Variants in COL18A1 observed in about 807,000 individuals in gnomAD.
COL18A1 encodes the protein collagen alpha-1(XVIII) chain.
Under a neutral mutation model 168.0 loss-of-function variants are expected in COL18A1, and 133 were observed. The ratio of observed to expected loss-of-function variants is 0.79; its 90% CI spans 0.69 to 0.91. The LOEUF (loss-of-function observed/expected upper bound fraction) is 0.91, where lower values mean the gene tolerates loss of function less well. Among genes scored for constraint, COL18A1 ranks in the 40% least tolerant of loss-of-function variants. COL18A1 has a pLI of 0.00. For synonymous variants in COL18A1, 949 were observed against 809.0 expected (o/e 1.17, Z -2.94); for missense variants, 2,126 against 1,925.4 (o/e 1.10, Z -1.95).
Position 45,425,336 on chromosome 21 carries a change from C to T in COL18A1, c.106+19863C>T, listed in dbSNP as rs992916839. Among the ~76,000 whole-genome samples, 8 of 152,206 alleles carry T rather than the reference C, an allele frequency of 5.3e-5. No homozygotes were observed. Among genetic ancestry groups the T allele is most frequent in the African/African-American group, 2.4e-5 (1 of 41,462 alleles). ...CCGCGTCCACCTGTCTCCCTGGACA[C>T]GCCTGTCAGAGCCCCAGACTGGGCT... On this transcript the variant is annotated intron_variant, in intron 2 of 41. Transcript: ENST00000651438. This position sits in a 1 kb window ranked among gnomAD's most constrained non-coding sequence, Gnocchi z 4.1.
intron 41 of COL18A1, among the ~76,000 whole-genome samples, chr21:45,511,525 A>ATGTAAGCAG (rs1238244941): frequency 2.0e-5 from 3 of 152,102 alleles, no homozygotes; most frequent in Non-Finnish European, 4.4e-5. Context: ...GTGGTCAGCC[A>ATGTAAGCAG]TGTAAGCAGC....
chr21:45,489,536 C>T lies in COL18A1; in HGVS notation c.1959+15C>T, dbSNP rs748301256. The T allele has an allele frequency of 8.3e-5, 131 of 1,577,558 alleles. No individual in the cohort carries two copies. The highest frequency in any genetic ancestry group is 1.7e-4 in the Middle Eastern group (1 of 5,940). ...CGGGGGCGAAGGTAAGCGCTGTGCC[C>T]GGGTTCAGGGACGTGGCCAGGCAGA... On this transcript the variant is annotated intron_variant, in intron 19 of 41. Coordinates refer to ENST00000651438, the MANE Select transcript of COL18A1 (RefSeq NM_001379500.1).
In COL18A1 at chr21:45,476,429, G is replaced by C. The variant is rs1271580700; in HGVS notation, c.877G>C (p.Asp293His). The C allele has an allele frequency of 1.2e-6, 2 of 1,614,140 alleles. No homozygotes were observed. The highest frequency in any genetic ancestry group is 1.7e-6 in the Non-Finnish European group (2 of 1,180,018). Residue 293 changes from aspartate (D) to histidine (H), a missense_variant, in exon 6 of 42, where the codon GAT becomes CAT. Physicochemically the swap from Asp to His is moderately conservative, Grantham distance 81. Coordinates refer to ENST00000651438, the MANE Select transcript of COL18A1 (RefSeq NM_001379500.1). The stretch of plus-strand genomic sequence containing the variant: ...CTTGGCTGGAGGCAGCAGCACGGAA[G>C]ATTCCAGAAGTGAAGAAGTCGAGGA... ...PPLAGGSSTE[D>H]SRSEEVEEQT... is the part of the protein sequence containing the mutation.
At chr21:45,502,158 A>G (rs1378015704) in intron 32 of COL18A1, among the ~76,000 whole-genome samples, 1 of 152,212 alleles carries the variant, frequency 6.6e-6, no homozygotes, top group Non-Finnish European at 1.5e-5. Context: ...ACGGGTCCTG[A>G]CAGCAGCAGT....
intron 2 of COL18A1, among the ~76,000 whole-genome samples, chr21:45,428,171 G>A (rs759319301): frequency 1.3e-5 from 2 of 152,236 alleles, no homozygotes; most frequent in Non-Finnish European, 2.9e-5. Flanking sequence ...CTGCAGGCAG[G>A]CGGCGTCTGG....
rs543694597 is a variant in COL18A1 at position 45,471,935 on chromosome 21, C to A, written c.652-1960C>A. On this transcript the variant is annotated intron_variant, in intron 3 of 41. Coordinates refer to ENST00000651438, the MANE Select transcript of COL18A1 (RefSeq NM_001379500.1). This position sits in a 1 kb window ranked among gnomAD's most constrained non-coding sequence, Gnocchi z 4.4. ...TGGCTTTTGCACTAGCGCCTCCTGC[C>A]CCACCCCCGGAGCCAGCGGCCACCA... is the stretch of plus-strand genomic sequence containing the variant. Among the ~76,000 whole-genome samples the A allele has an allele frequency of 5.9e-5, 9 of 152,292 alleles. No individual in the cohort carries two copies. In the South Asian group the frequency reaches 1.9e-3, roughly 32 times the overall value.
rs1013906956 is a variant in COL18A1, at chr21:45,443,734, G to C, written c.107-24508G>C. Among the ~76,000 whole-genome samples the C allele has an allele frequency of 3.3e-5, 5 of 152,214 alleles. No individual in the cohort carries two copies. Among genetic ancestry groups the C allele is most frequent in the Admixed American group, 2.0e-4 (3 of 15,290 alleles). On this transcript the variant is annotated intron_variant, in intron 2 of 41. Transcript: ENST00000651438. The surrounding 1 kb of genome is among the most constrained non-coding windows in gnomAD (Gnocchi z 5.2). ...AACACAAATCAAGTGCCAATTTCCT[G>C]GTGAAGAGTCTTTATGAGAGCAATG...
At chr21:45,491,766 A>G (rs1312516730) in intron 22 of COL18A1, among the ~76,000 whole-genome samples, 1 of 152,194 alleles carries the variant, frequency 6.6e-6, no homozygotes, top group Non-Finnish European at 1.5e-5. Context: ...GCCTGCCAGC[A>G]GTGCATCCCA....
chr21:45,470,425 C>CTT (rs1195744330), intron 3 of COL18A1, among the ~76,000 whole-genome samples: 5,947 of 36,990 alleles, frequency 0.16, 669 homozygotes, highest in Non-Finnish European at 0.19. Flanking sequence ...TTTACCTTGT[C>CTT]TTTTTTTTTT....
At chr21:45,435,215 GGAGGAAGA>G (rs1248774533) in intron 2 of COL18A1, among the ~76,000 whole-genome samples, 1 of 143,012 alleles carries the variant, frequency 7.0e-6, no homozygotes, top group Non-Finnish European at 1.5e-5. Context: ...GGGGTCGATG[GGAGGAAGA>G]GAGGAAGGTG....
intron 38 of COL18A1, among the ~76,000 whole-genome samples, chr21:45,508,196 AGGTGGGTGAGTGTATGAATG>A: frequency 6.8e-6 from 1 of 147,450 alleles, no homozygotes; most frequent in East Asian, 2.0e-4. Context: ...GATGGTGGAC[AGGTGGGTGAGTGTATGAATG>A]GGTGGGTGGA....
chr21:45,425,462 C>A lies in COL18A1; in HGVS notation c.106+19989C>A, dbSNP rs147553976. ...CATGGAGGTGGACCCCCTGCCTCAC[C>A]CTCGGGTGGCCCAAGGCCTCTGAAA... On this transcript the variant is annotated intron_variant, in intron 2 of 41. Transcript: ENST00000651438. This position sits in a 1 kb window ranked among gnomAD's most constrained non-coding sequence, Gnocchi z 4.1. Among the ~76,000 whole-genome samples the A allele has an allele frequency of 3.3e-3, 497 of 152,312 alleles. 5 individuals are homozygous for A. The highest frequency in any genetic ancestry group is 0.011 in the African/African-American group (450 of 41,574).
At chr21:45,439,743 G>A (rs998683633) in intron 2 of COL18A1, among the ~76,000 whole-genome samples, 15 of 146,528 alleles carry the variant, frequency 1.0e-4, no homozygotes, top group African/African-American at 3.7e-4. Flanking sequence ...AGCAGGGTTT[G>A]GATTTGGAAG....
intron 18 of COL18A1, among the ~76,000 whole-genome samples, 165 bp from the exon 19 acceptor site, chr21:45,489,321 C>T (rs2036219167): frequency 6.6e-6 from 1 of 152,200 alleles, no homozygotes; most frequent in African/African-American, 2.4e-5. Context: ...CCCACGGGGT[C>T]CCTGCACAAG....
intron 2 of COL18A1, among the ~76,000 whole-genome samples, chr21:45,454,743 C>T (rs977479956): frequency 3.3e-5 from 5 of 152,250 alleles, no homozygotes; most frequent in Admixed American, 2.6e-4. Flanking sequence ...TCACATGCCA[C>T]TCACATCCCT....
Position 45,510,092 on chromosome 21 carries a change from T to A in COL18A1, c.3524T>A (p.Leu1175Gln). ...VLHLVALNSP[L>Q]SGGMRGIRGA... ...CACCTGGTTGCGCTCAACAGCCCCC[T>A]GTCAGGCGGCATGCGGGGCATCCGC... The change falls in exon 40 of 42, where the codon CTG (leucine) becomes CAG (glutamine). Residue 1175 changes from leucine to glutamine, a missense_variant. Leu to Gln is a moderately radical substitution (Grantham distance 113). Transcript: ENST00000651438. 1 of 1,585,600 alleles carries A rather than the reference T, an allele frequency of 6.3e-7. No homozygotes were observed. Among genetic ancestry groups the A allele is most frequent in the Non-Finnish European group, 8.6e-7 (1 of 1,168,888 alleles).
rs979806191 is a variant in COL18A1, at chr21:45,452,856, T to A, written c.107-15386T>A. 2.8e-5 allele frequency among the ~76,000 whole-genome samples: 4 copies of A among 144,914 alleles called. No homozygotes were observed. In the East Asian group the frequency reaches 8.3e-4, roughly 30 times the overall value. On this transcript the variant is annotated intron_variant, in intron 2 of 41. Transcript: ENST00000651438. Reference sequence around the variant, plus strand: ...ACATGTGTAAACATGTATGTATGTGTGGGGCTTGTGTATGCATGTGAGTAT... The same window carrying A: ...ACATGTGTAAACATGTATGTATGTGAGGGGCTTGTGTATGCATGTGAGTAT...
chr21:45,492,735 C>G, intron 24 of COL18A1, 22 bp downstream of exon 24: 1 of 1,565,810 alleles, frequency 6.4e-7, no homozygotes, highest in South Asian at 1.1e-5. Flanking sequence ...GGTGCCAGAG[C>G]TGCATGCTGC....
intron 2 of COL18A1, among the ~76,000 whole-genome samples, chr21:45,426,771 A>G (rs917744159): frequency 1.3e-5 from 2 of 152,214 alleles, no homozygotes; most frequent in Non-Finnish European, 2.9e-5. Flanking sequence ...TCCTGCAGAC[A>G]CTTGCCCATT....
Sources: gnomAD v4.1 joint callset for allele counts (sites outside exome capture counted in the v4.1 genomes callset) on GRCh38, gnomAD v4.1.1 for gene constraint, Gnocchi (gnomAD v3.1) non-coding constraint, MANE v1.5 for transcripts, NCBI Gene and HGNC (gene_info 2026-07-23, HGNC 2026-07-21) for gene names.